GPC6: variants seen among roughly 807,000 people sequenced by gnomAD.
GPC6 encodes glypican 6.
Under a neutral mutation model 55.2 loss-of-function variants are expected in GPC6, and 14 were observed. The observed-to-expected ratio is 0.25, with a 90% CI of 0.17 to 0.40. GPC6 has a LOEUF of 0.40. Among genes scored for constraint, GPC6 ranks in the 10% least tolerant of loss-of-function variants. The probability of loss-of-function intolerance (pLI) is 1.00; values close to 1 mark genes in which losing one functional copy is unlikely to be tolerated. For synonymous variants in GPC6, 278 were observed against 259.6 expected, an observed-to-expected ratio of 1.07 and a Z score of -0.68; for missense variants, 641 against 708.5, an observed-to-expected ratio of 0.90 and a Z score of 1.08.
intron 2 of GPC6, among the ~76,000 whole-genome samples, chr13:93,817,893 GATA>G (rs1886913234): frequency 8.0e-6 from 1 of 124,628 alleles, no homozygotes; most frequent in Non-Finnish European, 1.7e-5. Context: ...TAGATAGATA[GATA>G]TAAATTTATA....
At chr13:93,894,624 T>C (rs993288376) in intron 3 of GPC6, among the ~76,000 whole-genome samples, 3 of 152,162 alleles carry the variant, frequency 2.0e-5, no homozygotes, top group African/African-American at 7.2e-5. Context: ...TAGCTCCAAG[T>C]TTGTTTGGCC....
intron 1 of GPC6, among the ~76,000 whole-genome samples, chr13:93,257,056 G>A (rs961979353): frequency 6.6e-6 from 1 of 152,104 alleles, no homozygotes; most frequent in Admixed American, 6.5e-5. Flanking sequence ...TCTAGTCCAG[G>A]TGATCTGGGA....
At chr13:93,920,750 T>C (rs59409063) in intron 3 of GPC6, among the ~76,000 whole-genome samples, 3,979 of 152,262 alleles carry the variant, frequency 0.026, 192 homozygotes, top group African/African-American at 0.091. Flanking sequence ...GTCCCCCATG[T>C]CAATTTTCTC....
intron 6 of GPC6, among the ~76,000 whole-genome samples, chr13:94,340,920 ATAGTCTT>A (rs2139155940): frequency 1.3e-5 from 2 of 152,346 alleles, no homozygotes; most frequent in African/African-American, 4.8e-5. Context: ...AGTACTTCAA[ATAGTCTT>A]TAGTATCTCT....
At position 93,249,389 on chromosome 13, in the gene GPC6, C is replaced by G. The variant is rs1219299014; in HGVS notation, c.160+21773C>G. On this transcript the variant is annotated intron_variant, in intron 1 of 8. Transcript: ENST00000377047. ...AGAATTGTATCCTTTCTGCCTTTGG[C>G]TTCCCTTTCTGTTGTTCTGAGTGTT... Among the ~76,000 whole-genome samples, 3 of 152,194 alleles carry G rather than the reference C, an allele frequency of 2.0e-5. No homozygotes were observed. The East Asian group carries it at 5.8e-4, about 29-fold the overall frequency.
intron 1 of GPC6, among the ~76,000 whole-genome samples, chr13:93,471,793 GATATGGTCTATCCTGGGGA>G (rs1879129759): frequency 6.6e-6 from 1 of 152,102 alleles, no homozygotes; most frequent in Admixed American, 6.5e-5. Flanking sequence ...TATGACCCAG[GATATGGTCTATCCTGGGGA>G]ATATTCCAGA....
chr13:93,326,560 A>G (rs966653196), intron 1 of GPC6, among the ~76,000 whole-genome samples: 4 of 152,234 alleles, frequency 2.6e-5, no homozygotes, highest in Admixed American at 6.5e-5. Context: ...ATATGTGTAC[A>G]TATACAAGCA....
intron 6 of GPC6, among the ~76,000 whole-genome samples, chr13:94,337,260 T>G (rs1406118867): frequency 6.6e-6 from 1 of 152,120 alleles, no homozygotes; most frequent in Non-Finnish European, 1.5e-5. Context: ...ATTGAAGCCT[T>G]GATATTCTCA....
intron 6 of GPC6, among the ~76,000 whole-genome samples, chr13:94,328,380 T>C (rs1027508886): frequency 1.3e-5 from 2 of 152,226 alleles, no homozygotes; most frequent in African/African-American, 4.8e-5. Flanking sequence ...TAATTAGACA[T>C]GTAAAATGAC....
chr13:93,708,885 G>A (rs189861533), intron 2 of GPC6, among the ~76,000 whole-genome samples: 1 of 151,776 alleles, frequency 6.6e-6, no homozygotes, highest in African/African-American at 2.4e-5. Flanking sequence ...AGTAACATTT[G>A]TGCTTGCTAG....
chr13:93,992,769 G>A (rs997913237), intron 3 of GPC6, among the ~76,000 whole-genome samples: 2 of 152,138 alleles, frequency 1.3e-5, no homozygotes, highest in Admixed American at 1.3e-4. Flanking sequence ...TAGCTCTGAT[G>A]TTGGCAGTTC....
At chr13:93,931,876 C>T (rs1278871899) in intron 3 of GPC6, among the ~76,000 whole-genome samples, 1 of 151,628 alleles carries the variant, frequency 6.6e-6, no homozygotes, top group African/African-American at 2.4e-5. Context: ...CCCTCTGAGA[C>T]AGCTTCTATA....
rs550024641 is a variant in GPC6 at position 94,257,619 on chromosome 13, C to T, written c.878-28730C>T. ...CCCTGAGAAATAGACCAAAGCGAGC[C>T]TCTAGATCTGCAAATTGAGGAACAC... On this transcript the variant is annotated intron_variant, in intron 4 of 8. Coordinates refer to ENST00000377047, the MANE Select transcript of GPC6 (RefSeq NM_005708.5). Among the ~76,000 whole-genome samples, 6 of 152,276 alleles carry T rather than the reference C, an allele frequency of 3.9e-5. No homozygotes were observed. The South Asian group carries it at 1.2e-3, about 32-fold the overall frequency.
At chr13:93,352,371 ATTGT>A (rs1880660802) in intron 1 of GPC6, among the ~76,000 whole-genome samples, 1 of 152,146 alleles carries the variant, frequency 6.6e-6, no homozygotes, top group African/African-American at 2.4e-5. Context: ...AGCAATGGGG[ATTGT>A]TTAAGGTTAT....
Position 93,992,098 on chromosome 13 carries a change from T to C in GPC6, c.712-35631T>C, listed in dbSNP as rs1025200814. Among the ~76,000 whole-genome samples the C allele has an allele frequency of 2.0e-5, 3 of 151,618 alleles. No homozygotes were observed. The South Asian group carries it at 6.2e-4, about 31-fold the overall frequency. Reference sequence around the variant, plus strand: ...ACATAGTTTACATAATTTATATATGTATAGTTTATATGTGTGTATATATGT... The same window carrying C: ...ACATAGTTTACATAATTTATATATGCATAGTTTATATGTGTGTATATATGT... On this transcript the variant is annotated intron_variant, in intron 3 of 8. Transcript: ENST00000377047.
chr13:94,075,842 A>G (rs891167047), intron 4 of GPC6, among the ~76,000 whole-genome samples: 3 of 152,078 alleles, frequency 2.0e-5, no homozygotes, highest in Non-Finnish European at 4.4e-5. Flanking sequence ...TGTATATACT[A>G]CATCTCTTTA....
At chr13:93,922,694 A>G (rs1048519335) in intron 3 of GPC6, among the ~76,000 whole-genome samples, 2 of 152,206 alleles carry the variant, frequency 1.3e-5, no homozygotes, top group African/African-American at 4.8e-5. Flanking sequence ...GCTAAAATGC[A>G]TATAATTTTT....
intron 4 of GPC6, among the ~76,000 whole-genome samples, chr13:94,240,994 G>T (rs534419367): frequency 4.6e-5 from 7 of 152,276 alleles, no homozygotes; most frequent in Admixed American, 2.6e-4. Context: ...CTGCATGTTT[G>T]TGTGTCCCCA....
At chr13:93,711,022 A>C (rs2138808475) in intron 2 of GPC6, among the ~76,000 whole-genome samples, 2 of 151,932 alleles carry the variant, frequency 1.3e-5, no homozygotes, top group Middle Eastern at 6.8e-3. Context: ...AAATTATTAA[A>C]ATCACCTGAA....
Sources: gnomAD v4.1 joint callset for allele counts (sites outside exome capture counted in the v4.1 genomes callset) on GRCh38, gnomAD v4.1.1 for gene constraint, MANE v1.5 for transcripts, NCBI Gene and HGNC (gene_info 2026-07-23, HGNC 2026-07-21) for gene names.